XKR4: variants seen among roughly 807,000 people sequenced by gnomAD.
XKR4 encodes XK related 4.
XKR4 carries 12 observed loss-of-function variants against 53.9 expected under a neutral mutation model. The ratio of observed to expected loss-of-function variants is 0.22; its 90% CI spans 0.14 to 0.36. The LOEUF (loss-of-function observed/expected upper bound fraction) is 0.36. XKR4 is among the 10% of genes least tolerant of loss of function. XKR4 has a pLI of 1.00. For missense variants in XKR4, 799 were observed against 859.5 expected, an observed-to-expected ratio of 0.93 and a Z score of 0.88; for synonymous variants, 354 against 362.4, an observed-to-expected ratio of 0.98 and a Z score of 0.26.
At chr8:55,282,475 T>G (rs1437927627) in intron 1 of XKR4, among the ~76,000 whole-genome samples, 1 of 152,056 alleles carries the variant, frequency 6.6e-6, no homozygotes, top group African/African-American at 2.4e-5. Context: ...TAAACCATGG[T>G]CAAAGTGGAA....
chr8:55,149,787 T>A (rs148666849), intron 1 of XKR4, among the ~76,000 whole-genome samples: 27 of 152,330 alleles, frequency 1.8e-4, no homozygotes, highest in African/African-American at 6.0e-4. Flanking sequence ...GGTGCTGCCT[T>A]AAGATGTACC....
intron 2 of XKR4, among the ~76,000 whole-genome samples, chr8:55,384,095 C>A (rs1804273873): frequency 1.3e-5 from 2 of 152,134 alleles, no homozygotes; most frequent in African/African-American, 4.8e-5. Context: ...AAGGGAGACA[C>A]TAGAGGTGAG....
At position 55,525,119 on chromosome 8, in the gene XKR4, C is replaced by T. The variant is rs1267931381; in HGVS notation, c.*892C>T. On this transcript the variant is annotated 3_prime_UTR_variant, in exon 3 of 3. Coordinates refer to ENST00000327381, the MANE Select transcript of XKR4 (RefSeq NM_052898.2). ...CAGGCATGTGCAGCGCCCATTGGGA[C>T]ATAACGGCAGTGCGGCGCGAGCCAG... 2.0e-5 allele frequency: 3 copies of T among 152,574 alleles called. No homozygotes were observed. The highest frequency in any genetic ancestry group is 4.4e-5 in the Non-Finnish European group (3 of 68,042). 9.5% of individuals were successfully genotyped at this position (152,574 alleles called of 1,614,324 possible).
chr8:55,244,303 C>A lies in XKR4; in HGVS notation c.807-113375C>A, dbSNP rs113430591. 2.3e-3 allele frequency among the ~76,000 whole-genome samples: 346 copies of A among 152,260 alleles called. 1 individual carries two copies. Among genetic ancestry groups the A allele is most frequent in the African/African-American group, 7.8e-3 (324 of 41,552 alleles). ...TCAATGTTTAGCTGCCACTTATAAGCGAGAACATGTGGTATTTGGTTTTCT... is the reference window on the plus strand; with the variant it reads ...TCAATGTTTAGCTGCCACTTATAAGAGAGAACATGTGGTATTTGGTTTTCT... On this transcript the variant is annotated intron_variant, in intron 1 of 2. Transcript: ENST00000327381.
At chr8:55,394,235 G>A (rs528226757) in intron 2 of XKR4, among the ~76,000 whole-genome samples, 7 of 152,084 alleles carry the variant, frequency 4.6e-5, no homozygotes, top group African/African-American at 1.4e-4. Context: ...ATGCGCTATC[G>A]ATATAAGAAT....
chr8:55,447,499 G>A (rs1256722782), intron 2 of XKR4, among the ~76,000 whole-genome samples: 1 of 152,162 alleles, frequency 6.6e-6, no homozygotes, highest in Non-Finnish European at 1.5e-5. Context: ...TGGAAGTAAA[G>A]TTTCCATTCA....
At position 55,525,549 on chromosome 8, in the gene XKR4, C is replaced by T. The variant is rs1182642020; in HGVS notation, c.*1322C>T. On this transcript the variant is annotated 3_prime_UTR_variant, in exon 3 of 3. Transcript: ENST00000327381. The stretch of plus-strand genomic sequence containing the variant: ...TATTTGAATCATCTGTAAAGTCGCA[C>T]TCTTACAACAAGCTTCTGGGTTTTA... 6.6e-6 allele frequency: 1 copy of T among 152,588 alleles called. No homozygotes were observed. The highest frequency in any genetic ancestry group is 1.5e-5 in the Non-Finnish European group (1 of 68,040). The allele number at this position is 152,588 out of a possible 1,614,324, so 9.5% of individuals were successfully genotyped here.
At chr8:55,189,763 T>C (rs779115238) in intron 1 of XKR4, among the ~76,000 whole-genome samples, 2 of 152,208 alleles carry the variant, frequency 1.3e-5, no homozygotes, top group Non-Finnish European at 2.9e-5. Context: ...GCACTTTTGT[T>C]TCCTGTTCTT....
intron 2 of XKR4, among the ~76,000 whole-genome samples, chr8:55,406,115 C>A (rs1454121501): frequency 3.3e-5 from 5 of 152,080 alleles, no homozygotes; most frequent in African/African-American, 9.7e-5. Flanking sequence ...TGAGACATGG[C>A]CTTTGGATAA....
intron 1 of XKR4, among the ~76,000 whole-genome samples, chr8:55,275,524 A>G (rs762811491): frequency 1.3e-5 from 2 of 152,204 alleles, no homozygotes; most frequent in Non-Finnish European, 2.9e-5. Flanking sequence ...GCTAGAGAAT[A>G]TCAGGGAAGG....
intron 2 of XKR4, among the ~76,000 whole-genome samples, chr8:55,375,093 G>T (rs1255180532): frequency 6.6e-6 from 1 of 152,350 alleles, no homozygotes; most frequent in East Asian, 1.9e-4. Flanking sequence ...ACCTCAGTTT[G>T]GAGGAATTCC....
At chr8:55,273,577 C>G (rs1818723200) in intron 1 of XKR4, among the ~76,000 whole-genome samples, 1 of 152,104 alleles carries the variant, frequency 6.6e-6, no homozygotes, top group African/African-American at 2.4e-5. Context: ...TTTTGCAGAC[C>G]CTGCACTTGA....
chr8:55,424,684 T>C (rs899412283), intron 2 of XKR4, among the ~76,000 whole-genome samples: 2 of 152,216 alleles, frequency 1.3e-5, no homozygotes, highest in Non-Finnish European at 2.9e-5. Flanking sequence ...TGTAATTCAC[T>C]TTGGGGAAGC....
Position 55,258,227 on chromosome 8 carries a change from C to G in XKR4, c.807-99451C>G, listed in dbSNP as rs184272132. On this transcript the variant is annotated intron_variant, in intron 1 of 2. Coordinates refer to ENST00000327381, the MANE Select transcript of XKR4 (RefSeq NM_052898.2). ...GCAGTGTCTTCCCGAGGGAAAGCGACAGACAGGTTTTACAGAGCAATGGGG... is the reference window on the plus strand; with the variant it reads ...GCAGTGTCTTCCCGAGGGAAAGCGAGAGACAGGTTTTACAGAGCAATGGGG... 5.0e-3 allele frequency among the ~76,000 whole-genome samples: 764 copies of G among 152,286 alleles called. 2 individuals are homozygous for G. Among genetic ancestry groups the G allele is most frequent in the African/African-American group, 0.018 (727 of 41,536 alleles).
At chr8:55,284,433 G>A (rs1050333017) in intron 1 of XKR4, among the ~76,000 whole-genome samples, 1 of 152,116 alleles carries the variant, frequency 6.6e-6, no homozygotes, top group African/African-American at 2.4e-5. Context: ...TCACCTGAAG[G>A]CTTGACTGGG....
At chr8:55,435,123 T>G (rs192677815) in intron 2 of XKR4, among the ~76,000 whole-genome samples, 2 of 152,320 alleles carry the variant, frequency 1.3e-5, no homozygotes, top group African/African-American at 4.8e-5. Flanking sequence ...TCTACCAGAT[T>G]GTGCATGAAT....
chr8:55,358,851 G>A (rs935898271), intron 2 of XKR4, among the ~76,000 whole-genome samples: 2 of 152,194 alleles, frequency 1.3e-5, no homozygotes, highest in African/African-American at 4.8e-5. Context: ...TGTTCTGGTT[G>A]GTCCGGGGAA....
intron 2 of XKR4, among the ~76,000 whole-genome samples, chr8:55,503,453 A>G (rs1421800115): frequency 6.6e-6 from 1 of 151,922 alleles, no homozygotes; most frequent in African/African-American, 2.4e-5. Context: ...TATAAATGAA[A>G]TTTTTTCTTA....
intron 1 of XKR4, among the ~76,000 whole-genome samples, chr8:55,144,766 TG>T (rs1259177803): frequency 6.9e-6 from 1 of 145,352 alleles, no homozygotes; most frequent in African/African-American, 2.5e-5. Context: ...AGTCCTGACA[TG>T]GGAAGCTAGG....
Sources: allele counts gnomAD v4.1 joint callset (sites outside exome capture counted in the v4.1 genomes callset), GRCh38; gene constraint gnomAD v4.1.1; transcripts MANE v1.5; gene names NCBI Gene and HGNC (gene_info 2026-07-23, HGNC 2026-07-21).